The following ANO2 variants were observed in gnomAD, a reference collection of about 807,000 sequenced individuals.
The protein encoded by ANO2 is anoctamin-2.
A neutral mutation model predicts 124.2 loss-of-function variants in ANO2; 101 were observed. The observed-to-expected ratio is 0.81, with a 90% confidence interval of 0.69 to 0.96. The LOEUF (loss-of-function observed/expected upper bound fraction) is 0.96, where lower values mean the gene tolerates loss of function less well. ANO2 is among the 40% of genes least tolerant of loss of function. The probability of loss-of-function intolerance (pLI) is 0.00; values close to 1 mark genes in which losing one functional copy is unlikely to be tolerated. For synonymous variants in ANO2, 486 were observed against 482.5 expected, an observed-to-expected ratio of 1.01 and a Z score of -0.09; for missense variants, 1,293 against 1,274.5, an observed-to-expected ratio of 1.01 and a Z score of -0.22.
chr12:5,922,892 C>G lies in ANO2; in HGVS notation c.23-88G>C. The G allele has an allele frequency of 2.3e-6, 3 of 1,321,778 alleles. No homozygotes were observed. The South Asian group carries it at 5.4e-5, about 24-fold the overall frequency. 81.9% of individuals were successfully genotyped at this position (1,321,778 alleles called of 1,614,324 possible). A position where few individuals can be genotyped will look rare whatever the true frequency, so the allele number is the denominator to read the frequency against. ...GGTACTGAGTGTACTCAGACACTAG[C>G]CCTGAGAAAATGGCCCATTTTGCTT... On this transcript the variant is annotated intron_variant, in intron 1 of 24. Transcript: ENST00000682330.
intron 14 of ANO2, among the ~76,000 whole-genome samples, chr12:5,652,815 C>T (rs973728395): frequency 6.6e-6 from 1 of 152,056 alleles, no homozygotes; most frequent in Non-Finnish European, 1.5e-5. Flanking sequence ...ACCTTGATCT[C>T]CTGGTGGAGA....
At chr12:5,644,874 G>C (rs906340929) in intron 15 of ANO2, among the ~76,000 whole-genome samples, 84 of 152,200 alleles carry the variant, frequency 5.5e-4, no homozygotes, top group Admixed American at 5.5e-3. Flanking sequence ...AGCACGTGAA[G>C]AGGGCATTTC....
chr12:5,882,090 AT>A (rs952373982), intron 3 of ANO2, among the ~76,000 whole-genome samples: 1 of 152,092 alleles, frequency 6.6e-6, no homozygotes, highest in African/African-American at 2.4e-5. Context: ...ACAGACAAGT[AT>A]TTTTTTTCTT....
chr12:5,910,515 C>T (rs1940983683), intron 3 of ANO2, among the ~76,000 whole-genome samples: 1 of 152,148 alleles, frequency 6.6e-6, no homozygotes, highest in Admixed American at 6.6e-5. Context: ...GTCACAGGAA[C>T]TCATCTTAAT....
At chr12:5,935,727 A>C (rs575095478) in intron 1 of ANO2, among the ~76,000 whole-genome samples, 8 of 152,174 alleles carry the variant, frequency 5.3e-5, no homozygotes, top group Admixed American at 1.3e-4. Flanking sequence ...AAAAAGACAA[A>C]TGGGAACACA....
chr12:5,647,293 A>C (rs751766145), intron 15 of ANO2, among the ~76,000 whole-genome samples: 2 of 152,168 alleles, frequency 1.3e-5, no homozygotes, highest in Non-Finnish European at 2.9e-5. Context: ...GGCTGTACCA[A>C]ACTCTAAGGT....
At chr12:5,722,631 T>C (rs1950277090) in intron 14 of ANO2, among the ~76,000 whole-genome samples, 1 of 152,246 alleles carries the variant, frequency 6.6e-6, no homozygotes. Context: ...AGTAATTCCA[T>C]GTCACTTCTG....
Position 5,612,901 on chromosome 12 carries a change from C to T in ANO2, c.1986G>A (p.Glu662=). ...VYVFDGYRME[E]CAPGGCLMEL... is the part of the protein sequence containing the mutation. The stretch of plus-strand genomic sequence containing the variant: ...ATGAAACACCAGTGGCTGTACTTGC[C>T]TCTTCCATGCGGTAACCATCGAATA... The change falls in exon 18 of 25, where the codon GAG becomes GAA. Residue 662 remains glutamate (E), a splice_region_variant and synonymous_variant. Transcript: ENST00000682330. The T allele has an allele frequency of 6.2e-7, 1 of 1,613,942 alleles. No individual in the cohort carries two copies. The highest frequency in any genetic ancestry group is 1.1e-5 in the South Asian group (1 of 91,082).
intron 13 of ANO2, among the ~76,000 whole-genome samples, chr12:5,738,705 C>T (rs763337676): frequency 6.6e-6 from 1 of 152,084 alleles, no homozygotes; most frequent in African/African-American, 2.4e-5. Flanking sequence ...TCACCAGCAT[C>T]GGGAATGGGG....
chr12:5,634,035 T>C (rs1945873704), intron 16 of ANO2, among the ~76,000 whole-genome samples: 2 of 152,210 alleles, frequency 1.3e-5, no homozygotes, highest in South Asian at 2.1e-4. Flanking sequence ...AGTGCTTCCA[T>C]AGAATCCTGT....
chr12:5,881,549 G>T (rs997520234), intron 3 of ANO2, among the ~76,000 whole-genome samples: 5 of 152,226 alleles, frequency 3.3e-5, no homozygotes, highest in African/African-American at 9.6e-5. Flanking sequence ...TATACAGCAT[G>T]CTCATTTTTG....
intron 10 of ANO2, among the ~76,000 whole-genome samples, chr12:5,779,490 T>A (rs531663646): frequency 1.3e-5 from 2 of 152,238 alleles, no homozygotes; most frequent in Non-Finnish European, 2.9e-5. Context: ...AGATGTAACA[T>A]CCAAAAAGAA....
At chr12:5,889,764 C>A (rs929878570) in intron 3 of ANO2, among the ~76,000 whole-genome samples, 2 of 152,230 alleles carry the variant, frequency 1.3e-5, no homozygotes, top group African/African-American at 4.8e-5. Context: ...TAGGTCAGTG[C>A]CTGACTGAGA....
rs1019459831 is a variant in ANO2 at position 5,647,600 on chromosome 12, A to G, written c.1620+127T>C. ...ATCAGACAAGATCCTGCCCCTCTAC[A>G]CAGGACTGTGGCTTCCCCTTTACCA... On this transcript the variant is annotated intron_variant, in intron 15 of 24. Transcript: ENST00000682330. 10 of 814,682 alleles carry G rather than the reference A, an allele frequency of 1.2e-5. No homozygotes were observed. The Admixed American group carries it at 1.6e-4, about 13-fold the overall frequency. The allele number at this position is 814,682 out of a possible 1,614,324, so 50.5% of individuals were successfully genotyped here.
chr12:5,582,504 A>C (rs1942806640), intron 20 of ANO2, among the ~76,000 whole-genome samples: 1 of 152,254 alleles, frequency 6.6e-6, no homozygotes, highest in South Asian at 2.1e-4. Context: ...GTTTCAAGAC[A>C]ATCTGTTTAG....
chr12:5,842,337 G>T (rs1340795388), intron 4 of ANO2, among the ~76,000 whole-genome samples: 4 of 152,104 alleles, frequency 2.6e-5, no homozygotes, highest in African/African-American at 9.7e-5. Flanking sequence ...TCGGAGGGGT[G>T]GATGGAAAAC....
At chr12:5,747,499 G>C (rs749888850) in intron 11 of ANO2, among the ~76,000 whole-genome samples, 15 of 152,094 alleles carry the variant, frequency 9.9e-5, no homozygotes, top group Non-Finnish European at 2.1e-4. Flanking sequence ...CTATTAAAAT[G>C]TTTACTTTTT....
chr12:5,871,670 C>A (rs2137281787), intron 3 of ANO2, among the ~76,000 whole-genome samples: 1 of 152,280 alleles, frequency 6.6e-6, no homozygotes, highest in Non-Finnish European at 1.5e-5. Context: ...ATCTCAAAAC[C>A]ATCCCCCTAC....
Position 5,635,462 on chromosome 12 carries a change from T to C in ANO2, c.1621-115A>G, listed in dbSNP as rs1945965781. 1 of 883,804 alleles carries C rather than the reference T, an allele frequency of 1.1e-6. No individual in the cohort carries two copies. The highest frequency in any genetic ancestry group is 3.1e-5 in the East Asian group (1 of 32,108). The allele number at this position is 883,804 out of a possible 1,614,324, so 54.7% of individuals were successfully genotyped here. A position where few individuals can be genotyped will look rare whatever the true frequency, so the allele number is the denominator to read the frequency against. ...CAGATATTATTAATCTGGAATCTTT[T>C]GTTGGGTAACAAGGGATTCCAGATA... On this transcript the variant is annotated intron_variant, in intron 15 of 24. Transcript: ENST00000682330. The surrounding 1 kb of genome is among the most constrained non-coding windows in gnomAD (Gnocchi z 5.2).
Sources: allele counts gnomAD v4.1 joint callset (sites outside exome capture counted in the v4.1 genomes callset), GRCh38; gene constraint gnomAD v4.1.1; non-coding constraint Gnocchi (gnomAD v3.1); transcripts MANE v1.5; gene names NCBI Gene and HGNC (gene_info 2026-07-23, HGNC 2026-07-21).